LRP6: variants seen among roughly 807,000 people sequenced by gnomAD.
The protein encoded by LRP6 is low-density lipoprotein receptor-related protein 6.
Under a neutral mutation model 184.1 loss-of-function variants are expected in LRP6, and 43 were observed. The observed-to-expected ratio is 0.23, with a 90% CI of 0.18 to 0.30. The LOEUF is 0.30. Among genes scored for constraint, LRP6 ranks in the 10% least tolerant of loss-of-function variants. The probability of loss-of-function intolerance (pLI) is 1.00; values close to 1 mark genes in which losing one functional copy is unlikely to be tolerated. For synonymous variants in LRP6, 719 were observed against 684.9 expected (o/e 1.05, Z -0.78); for missense variants, 1,571 against 2,005.3 (o/e 0.78, Z 4.14).
At chr12:12,249,798 T>G (rs1297808830) in intron 1 of LRP6, among the ~76,000 whole-genome samples, 4 of 152,188 alleles carry the variant, frequency 2.6e-5, no homozygotes, top group African/African-American at 9.6e-5. Context: ...CAAAACATCA[T>G]CTCTAGTTCT....
intron 3 of LRP6, among the ~76,000 whole-genome samples, chr12:12,189,914 T>C (rs975669064): frequency 6.6e-6 from 1 of 152,226 alleles, no homozygotes; most frequent in Non-Finnish European, 1.5e-5. Context: ...TGAACTGTTT[T>C]ATAACTGTTC....
chr12:12,222,018 T>A (rs961268619), intron 2 of LRP6, among the ~76,000 whole-genome samples: 1 of 152,170 alleles, frequency 6.6e-6, no homozygotes. Context: ...CAAGACCATA[T>A]AGGGGAACAA....
chr12:12,176,448 T>C (rs1205852413), intron 7 of LRP6, among the ~76,000 whole-genome samples: 1 of 152,190 alleles, frequency 6.6e-6, no homozygotes, highest in Non-Finnish European at 1.5e-5. Flanking sequence ...TTTTAAAAAA[T>C]GTGACATCAT....
chr12:12,133,948 A>G (rs1949795001), intron 17 of LRP6, among the ~76,000 whole-genome samples: 1 of 151,532 alleles, frequency 6.6e-6, no homozygotes, highest in African/African-American at 2.4e-5. Flanking sequence ...ATTATTGTGC[A>G]ATCCCTATTT....
intron 19 of LRP6, among the ~76,000 whole-genome samples, chr12:12,129,659 T>C (rs559239952): frequency 8.0e-4 from 121 of 152,182 alleles, no homozygotes; most frequent in African/African-American, 2.8e-3. Flanking sequence ...TTCAAACGAT[T>C]CTCTTGCCTC....
At chr12:12,123,474 G>A (rs1480268163) in intron 22 of LRP6, among the ~76,000 whole-genome samples, 1 of 152,206 alleles carries the variant, frequency 6.6e-6, no homozygotes, top group African/African-American at 2.4e-5. Context: ...CATGGGTGAG[G>A]TCGTATCAGG....
At chr12:12,193,421 GA>G (rs768297061) in intron 3 of LRP6, among the ~76,000 whole-genome samples, 1 of 148,400 alleles carries the variant, frequency 6.7e-6, no homozygotes, top group African/African-American at 2.5e-5. Context: ...AATAAAGGGG[GA>G]AAAATCAATA....
intron 19 of LRP6, among the ~76,000 whole-genome samples, chr12:12,129,546 C>T (rs146201527): frequency 3.9e-5 from 6 of 152,136 alleles, no homozygotes; most frequent in African/African-American, 1.4e-4. Context: ...TTGATCAACA[C>T]CCAGTCTTTT....
intron 15 of LRP6, among the ~76,000 whole-genome samples, chr12:12,140,913 TA>T (rs34122301): frequency 0.052 from 7,854 of 152,152 alleles, 281 homozygotes; most frequent in Middle Eastern, 0.17. Context: ...ATTAAAAAAA[TA>T]AATCTTAAAA....
intron 5 of LRP6, among the ~76,000 whole-genome samples, chr12:12,183,243 C>T (rs1188756830): frequency 1.3e-5 from 2 of 152,146 alleles, no homozygotes; most frequent in Non-Finnish European, 2.9e-5. Context: ...CAGCTAAATA[C>T]AACAATTTTC....
At chr12:12,179,717 T>C in intron 7 of LRP6, 93 bp downstream of exon 7, 1 of 1,396,952 alleles carries the variant, frequency 7.2e-7, no homozygotes, top group Non-Finnish European at 1.0e-6. Context: ...AGACAACTGT[T>C]AAGAAAAAAG....
chr12:12,140,970 C>T (rs1949926050), intron 15 of LRP6, among the ~76,000 whole-genome samples: 1 of 152,014 alleles, frequency 6.6e-6, no homozygotes, highest in Non-Finnish European at 1.5e-5. Flanking sequence ...AAAGAATGTA[C>T]CATGCTAAAT....
intron 2 of LRP6, among the ~76,000 whole-genome samples, chr12:12,224,192 T>C (rs1864556595): frequency 6.6e-6 from 1 of 152,240 alleles, no homozygotes; most frequent in Admixed American, 6.5e-5. Context: ...GATGGTCTTT[T>C]AAAATTCGTA....
In LRP6 at chr12:12,120,345, A is replaced by G. The variant is rs1949588287; in HGVS notation, c.*781T>C. 6.6e-6 allele frequency: 1 copy of G among 152,098 alleles called. No homozygotes were observed. The highest frequency in any genetic ancestry group is 6.6e-5 in the Admixed American group (1 of 15,262). The allele number at this position is 152,098 out of a possible 1,614,324, so 9.4% of individuals were successfully genotyped here. On this transcript the variant is annotated 3_prime_UTR_variant, in exon 23 of 23. Transcript: ENST00000261349. ...GTCAATGCTTCAGCTTAAAAAAATC[A>G]TGGTATCTTAGCAAAATGACTTACC...
At chr12:12,201,070 G>A (rs1416134984) in intron 3 of LRP6, among the ~76,000 whole-genome samples, 4 of 152,068 alleles carry the variant, frequency 2.6e-5, no homozygotes, top group Non-Finnish European at 4.4e-5. Context: ...TTTTTCTAAC[G>A]TCACAGAATT....
intron 2 of LRP6, among the ~76,000 whole-genome samples, chr12:12,237,668 A>T (rs2135905327): frequency 6.6e-6 from 1 of 152,374 alleles, no homozygotes; most frequent in Non-Finnish European, 1.5e-5. Flanking sequence ...TCTTGCCAAA[A>T]ATGTATAACT....
At chr12:12,131,310 G>C (rs531774646) in intron 18 of LRP6, among the ~76,000 whole-genome samples, 3 of 151,256 alleles carry the variant, frequency 2.0e-5, no homozygotes, top group African/African-American at 7.3e-5. Context: ...GGGTTTCACC[G>C]TGTTAGCCAG....
In LRP6 at chr12:12,210,513, A is replaced by G. The variant is rs1033424173; in HGVS notation, c.450-7113T>C. ...TGAAAGTTGGTTAGAAAAGGTAAAT[A>G]AAGTAAAAAGCATATTAACAGTCAA... On this transcript the variant is annotated intron_variant, in intron 2 of 22. Coordinates refer to ENST00000261349, the MANE Select transcript of LRP6 (RefSeq NM_002336.3). Among the ~76,000 whole-genome samples the G allele has an allele frequency of 4.6e-5, 7 of 152,238 alleles. 1 individual carries two copies. Among genetic ancestry groups the G allele is most frequent in the Admixed American group, 4.6e-4 (7 of 15,286 alleles).
intron 3 of LRP6, among the ~76,000 whole-genome samples, chr12:12,202,534 CTCTG>C: frequency 6.6e-6 from 1 of 152,282 alleles, no homozygotes; most frequent in East Asian, 1.9e-4. Context: ...CAAGGTGAGA[CTCTG>C]TCTAAAATAA....
Sources: allele counts gnomAD v4.1 joint callset (sites outside exome capture counted in the v4.1 genomes callset), GRCh38; gene constraint gnomAD v4.1.1; transcripts MANE v1.5; gene names NCBI Gene and HGNC (gene_info 2026-07-23, HGNC 2026-07-21).